CADPS2: variants seen among roughly 807,000 people sequenced by gnomAD.
The protein encoded by CADPS2 is calcium dependent secretion activator 2, also known as calcium-dependent secretion activator 2.
Under a neutral mutation model 172.5 loss-of-function variants are expected in CADPS2, and 93 were observed. That is an observed-to-expected ratio of 0.54 (90% CI 0.46 to 0.64). The LOEUF (loss-of-function observed/expected upper bound fraction) is 0.64, where lower values mean the gene tolerates loss of function less well. CADPS2 is among the 30% of genes least tolerant of loss of function. The probability of loss-of-function intolerance (pLI) is 0.00; values close to 1 mark genes in which losing one functional copy is unlikely to be tolerated. For synonymous variants in CADPS2, 546 were observed against 555.2 expected (o/e 0.98, Z 0.23); for missense variants, 1,420 against 1,565.9 (o/e 0.91, Z 1.57).
chr7:122,667,340 C>T (rs996728047), intron 2 of CADPS2, among the ~76,000 whole-genome samples: 15 of 152,228 alleles, frequency 9.9e-5, no homozygotes, highest in African/African-American at 3.1e-4. Flanking sequence ...TTGTATTTTC[C>T]AAGTTCTTCT....
At chr7:122,705,056 G>A (rs965421190) in intron 2 of CADPS2, among the ~76,000 whole-genome samples, 4 of 151,874 alleles carry the variant, frequency 2.6e-5, no homozygotes, top group South Asian at 2.1e-4. Context: ...ATAAATTCTC[G>A]ACACAAAATA....
intron 2 of CADPS2, among the ~76,000 whole-genome samples, chr7:122,711,112 A>G (rs1252701160): frequency 6.6e-6 from 1 of 152,132 alleles, no homozygotes; most frequent in Non-Finnish European, 1.5e-5. Context: ...CATTGACAAC[A>G]GTTGTCCAGA....
chr7:122,550,230 T>C (rs1231971448), intron 8 of CADPS2, among the ~76,000 whole-genome samples: 2 of 152,188 alleles, frequency 1.3e-5, no homozygotes, highest in Admixed American at 1.3e-4. Flanking sequence ...CCCAATGCCT[T>C]TTCTATCTTT....
At chr7:122,368,009 C>T (rs1448313142) in intron 25 of CADPS2, 7 of 152,250 alleles carry the variant, frequency 4.6e-5, no homozygotes, top group Admixed American at 3.3e-4. Flanking sequence ...TTGCCATCTC[C>T]TTCCCCTTTT....
At chr7:122,538,727 T>C (rs2062599419) in intron 8 of CADPS2, among the ~76,000 whole-genome samples, 1 of 152,094 alleles carries the variant, frequency 6.6e-6, no homozygotes, top group Admixed American at 6.6e-5. Context: ...CTTGAAATAC[T>C]TAGTGAAATT....
intron 28 of CADPS2, among the ~76,000 whole-genome samples, chr7:122,344,363 C>T (rs2037245972): frequency 6.6e-6 from 1 of 152,120 alleles, no homozygotes; most frequent in South Asian, 2.1e-4. Flanking sequence ...GTATCATTTC[C>T]TTTGAACTGA....
chr7:122,361,240 TTTTTTTA>T (rs941070337), intron 25 of CADPS2, among the ~76,000 whole-genome samples: 85 of 138,176 alleles, frequency 6.2e-4, no homozygotes, highest in Middle Eastern at 3.5e-3. Context: ...TTTTTTTTTT[TTTTTTTA>T]AAATGAGATG....
chr7:122,658,725 G>T (rs574278751), intron 3 of CADPS2, among the ~76,000 whole-genome samples: 118 of 152,170 alleles, frequency 7.8e-4, no homozygotes, highest in African/African-American at 2.5e-3. Flanking sequence ...AAACACACTG[G>T]GCCCTTTGTG....
intron 2 of CADPS2, among the ~76,000 whole-genome samples, chr7:122,726,112 T>C (rs180994619): frequency 3.3e-5 from 5 of 151,904 alleles, no homozygotes; most frequent in Admixed American, 3.3e-4. Context: ...GGCAAAAGAA[T>C]GCTTTTCCCA....
intron 17 of CADPS2, among the ~76,000 whole-genome samples, chr7:122,417,935 T>G (rs898198464): frequency 6.6e-6 from 1 of 152,120 alleles, no homozygotes; most frequent in Admixed American, 6.5e-5. Context: ...TGGTACAGTT[T>G]CAGGCGGGCA....
At chr7:122,385,376 C>G (rs1412031485) in intron 24 of CADPS2, among the ~76,000 whole-genome samples, 1 of 151,872 alleles carries the variant, frequency 6.6e-6, no homozygotes, top group Non-Finnish European at 1.5e-5. Flanking sequence ...TAGCTAATGT[C>G]TATACCTGGG....
At chr7:122,541,764 T>TAC (rs2063034349) in intron 8 of CADPS2, among the ~76,000 whole-genome samples, 1 of 145,272 alleles carries the variant, frequency 6.9e-6, no homozygotes, top group African/African-American at 2.5e-5. Context: ...TTCATATATT[T>TAC]ATATATTCAC....
intron 2 of CADPS2, among the ~76,000 whole-genome samples, chr7:122,707,242 C>T (rs1263070550): frequency 1.3e-5 from 2 of 151,772 alleles, no homozygotes; most frequent in Non-Finnish European, 2.9e-5. Context: ...ATGGCTCTGA[C>T]CTTAAGGAGG....
chr7:122,386,359 G>A, intron 24 of CADPS2: 2 of 1,177,914 alleles, frequency 1.7e-6, no homozygotes, highest in Non-Finnish European at 2.3e-6. Flanking sequence ...GAGAACAGAA[G>A]GGAAGAATAA....
chr7:122,878,958 G>A (rs774132564), intron 1 of CADPS2, among the ~76,000 whole-genome samples: 12 of 152,044 alleles, frequency 7.9e-5, no homozygotes, highest in East Asian at 3.9e-4. Context: ...GCTGCAGGCC[G>A]GGCATCTTGA....
intron 6 of CADPS2, among the ~76,000 whole-genome samples, chr7:122,583,483 C>CT (rs1052383757): frequency 1.3e-5 from 2 of 151,574 alleles, no homozygotes; most frequent in Admixed American, 1.3e-4. Flanking sequence ...AGCATTTTAC[C>CT]TTTAAGTGTG....
rs189813206 is a variant in CADPS2 at position 122,766,385 on chromosome 7, G to C, written c.340-29317C>G. 3.1e-3 allele frequency among the ~76,000 whole-genome samples: 479 copies of C among 152,146 alleles called. 2 individuals are homozygous for C. The highest frequency in any genetic ancestry group is 0.011 in the African/African-American group (463 of 41,522). ...ACCATAGTCACATAAATGCAATATA[G>C]AGTGACTATTAGCCAGTTGTAATTT... On this transcript the variant is annotated intron_variant, in intron 1 of 29. Coordinates refer to ENST00000449022, the MANE Select transcript of CADPS2 (RefSeq NM_017954.11).
intron 1 of CADPS2, chr7:122,850,233 G>T: frequency 9.6e-7 from 1 of 1,046,716 alleles, no homozygotes; most frequent in Non-Finnish European, 1.3e-6. Flanking sequence ...GGGACCCAGA[G>T]GCCCCCTGAC....
intron 1 of CADPS2, among the ~76,000 whole-genome samples, chr7:122,796,987 C>T (rs567079855): frequency 6.6e-6 from 1 of 151,440 alleles, no homozygotes; most frequent in East Asian, 1.9e-4. Context: ...TAACATCCAG[C>T]GTCTATAAAG....
Sources: allele counts gnomAD v4.1 joint callset (sites outside exome capture counted in the v4.1 genomes callset), GRCh38; gene constraint gnomAD v4.1.1; transcripts MANE v1.5; gene names NCBI Gene and HGNC (gene_info 2026-07-23, HGNC 2026-07-21).